TRMT11: variants seen among roughly 807,000 people sequenced by gnomAD.
TRMT11 encodes the protein tRNA (guanine(10)-N(2))-methyltransferase TRMT11.
A neutral mutation model predicts 62.8 loss-of-function variants in TRMT11; 53 were observed. That is an observed-to-expected ratio of 0.84 (90% CI 0.68 to 1.06). The LOEUF (loss-of-function observed/expected upper bound fraction) is 1.06. Ranked by LOEUF, TRMT11 falls within the 50% of genes least tolerant of loss-of-function variation. The pLI, the probability that TRMT11 is intolerant of heterozygous loss-of-function variation, is 0.00. For missense variants in TRMT11, 556 were observed against 553.4 expected (o/e 1.00, Z -0.05); for synonymous variants, 188 against 190.3 (o/e 0.99, Z 0.10).
At chr6:126,213,571 C>T in the TRMT11 span, among the ~76,000 whole-genome samples, 1 of 151,974 alleles carries the variant, frequency 6.6e-6, no homozygotes, top group Non-Finnish European at 1.5e-5. Flanking sequence ...TATAGAAAGG[C>T]TATTGATGTT....
In TRMT11 at chr6:126,124,970, C is replaced by T. The variant is rs1439874953; in HGVS notation, c.*1823+9115C>T. 3.9e-5 allele frequency among the ~76,000 whole-genome samples: 6 copies of T among 152,012 alleles called. No individual in the cohort carries two copies. The East Asian group carries it at 7.8e-4, about 20-fold the overall frequency. ...TTTTGCCCAGACTGGGGAGAAGTCA[C>T]CAAGCTATAGGGGTAGGGAGGGATC... On this transcript the variant is annotated intron_variant and NMD_transcript_variant, in intron 21 of 22. Transcript: ENST00000648977.
At chr6:126,009,281 A>G (rs2128809993) in intron 8 of TRMT11, 1 of 152,108 alleles carries the variant, frequency 6.6e-6, no homozygotes, top group East Asian at 1.9e-4. Context: ...GTAACTTTAA[A>G]GATTCTGCCT....
chr6:126,033,837 A>G (rs1774676615), intron 12 of TRMT11, among the ~76,000 whole-genome samples: 1 of 152,188 alleles, frequency 6.6e-6, no homozygotes. Context: ...TGTACACATG[A>G]AAGTTAACTA....
At chr6:126,185,340 C>CT (rs1688857149) in intron 1 of TRMT11, among the ~76,000 whole-genome samples, 3 of 152,248 alleles carry the variant, frequency 2.0e-5, no homozygotes, top group South Asian at 4.1e-4. Flanking sequence ...TCTTCATGCT[C>CT]TTTTTTCAGG....
the TRMT11 span, among the ~76,000 whole-genome samples, chr6:126,225,218 C>T: frequency 6.6e-6 from 1 of 152,220 alleles, no homozygotes. Context: ...AAGCTGTAGT[C>T]TTGTCCTTAA....
chr6:125,993,151 T>C (rs1038069183), intron 1 of TRMT11, among the ~76,000 whole-genome samples: 1 of 152,210 alleles, frequency 6.6e-6, no homozygotes, highest in Non-Finnish European at 1.5e-5. Context: ...TTTAAGGAGA[T>C]AACTTGTTAG....
intron 3 of TRMT11, among the ~76,000 whole-genome samples, chr6:126,200,494 G>A (rs1382824551): frequency 6.6e-6 from 1 of 152,128 alleles, no homozygotes; most frequent in Non-Finnish European, 1.5e-5. Flanking sequence ...GCTAAGCAAC[G>A]TGTGATAAAA....
At chr6:126,254,477 A>C in the TRMT11 span, among the ~76,000 whole-genome samples, 6 of 152,248 alleles carry the variant, frequency 3.9e-5, no homozygotes, top group African/African-American at 1.4e-4. Context: ...GGAGATTACA[A>C]ATAGAATAAA....
chr6:126,160,345 T>C (rs575467466), intron 21 of TRMT11, among the ~76,000 whole-genome samples: 1 of 152,298 alleles, frequency 6.6e-6, no homozygotes, highest in African/African-American at 2.4e-5. Flanking sequence ...TTTCACACTT[T>C]TTTCCTCACC....
At chr6:126,212,388 A>G in the TRMT11 span, among the ~76,000 whole-genome samples, 1 of 152,154 alleles carries the variant, frequency 6.6e-6, no homozygotes, top group Non-Finnish European at 1.5e-5. Context: ...ATTTCCTCCA[A>G]CAGTGCAGTA....
At chr6:126,062,780 T>C (rs146549697) in intron 17 of TRMT11, among the ~76,000 whole-genome samples, 142 of 152,358 alleles carry the variant, frequency 9.3e-4, no homozygotes, top group African/African-American at 3.1e-3. Context: ...TTATTTTTTA[T>C]TAGTGAATGT....
Position 126,021,127 on chromosome 6 carries a change from A to AGTGTTCCTAACAGGTGG in TRMT11, c.1140-20_1140-19insGTGGGTGTTCCTAACAG, listed in dbSNP as rs1795746497. ...TGATTCTTTGTGGCCCACACATGTG[A>AGTGTTCCTAACAGGTGG]GTGTTCCTAACAGTCAGCTGTTCTT... On this transcript the variant is annotated intron_variant, in intron 11 of 12. Transcript: ENST00000334379. The AGTGTTCCTAACAGGTGG allele has an allele frequency of 9.3e-6, 15 of 1,612,302 alleles. 1 individual carries two copies. The Middle Eastern group carries it at 2.2e-3, about 231-fold the overall frequency.
In TRMT11 at chr6:126,050,068, C is replaced by G. The variant is rs986949452; in HGVS notation, c.*1370-3055C>G. ...ATTGGACTGGGCATGGTGGCTCATG[C>G]CTGTAATCCCAGCACTTTGGGAGGT... On this transcript the variant is annotated intron_variant and NMD_transcript_variant, in intron 16 of 22. Transcript: ENST00000648977. Among the ~76,000 whole-genome samples the G allele has an allele frequency of 2.6e-5, 4 of 152,108 alleles. No individual in the cohort carries two copies. The East Asian group carries it at 7.7e-4, about 29-fold the overall frequency.
At chr6:125,995,816 AT>A in intron 2 of TRMT11, 150 bp from the exon 3 acceptor site, 1 of 618,892 alleles carries the variant, frequency 1.6e-6, no homozygotes, top group Non-Finnish European at 2.9e-6. Context: ...CTTTTTTACT[AT>A]TGGAACGATT....
At position 125,986,641 on chromosome 6, in the gene TRMT11, C is replaced by T; in HGVS notation, c.72+19C>T. On this transcript the variant is annotated intron_variant, in intron 1 of 12. Coordinates refer to ENST00000334379, the MANE Select transcript of TRMT11 (RefSeq NM_001031712.3). ...CCTGCCGGTGAGTCCGTAGCGCCCT[C>T]CGGAACTTCCGACGGAAGAGGACGC... The T allele has an allele frequency of 6.4e-7, 1 of 1,568,714 alleles. No homozygotes were observed. Among genetic ancestry groups the T allele is most frequent in the South Asian group, 1.2e-5 (1 of 85,526 alleles).
chr6:126,153,082 A>G (rs187330179), intron 21 of TRMT11, among the ~76,000 whole-genome samples: 32 of 152,330 alleles, frequency 2.1e-4, no homozygotes, highest in African/African-American at 7.5e-4. Flanking sequence ...CCTCTCAAAG[A>G]TCCACAGCAT....
the TRMT11 span, among the ~76,000 whole-genome samples, chr6:126,263,657 T>G: frequency 2.0e-5 from 3 of 152,204 alleles, no homozygotes; most frequent in Admixed American, 6.5e-5. Context: ...AAACTTTATC[T>G]GAACCCTCTG....
rs974571009 is a variant in TRMT11 at position 126,131,141 on chromosome 6, A to T, written c.*1823+15286A>T. ...GGAAAAACGAAGCAGAATATACTTT[A>T]AAAAAATCTACCACAGAAAGGATAA... On this transcript the variant is annotated intron_variant and NMD_transcript_variant, in intron 21 of 22. Coordinates refer to the TRMT11 transcript ENST00000648977. 2.9e-4 allele frequency among the ~76,000 whole-genome samples: 44 copies of T among 152,092 alleles called. 1 individual carries two copies. Among genetic ancestry groups the T allele is most frequent in the Non-Finnish European group, 5.9e-5 (4 of 67,990 alleles).
intron 17 of TRMT11, among the ~76,000 whole-genome samples, chr6:126,108,430 A>G (rs928442678): frequency 4.6e-5 from 7 of 152,214 alleles, no homozygotes; most frequent in Admixed American, 3.3e-4. Context: ...CATTTGTTCA[A>G]TGCCACCTAT....
Sources: allele counts gnomAD v4.1 joint callset (sites outside exome capture counted in the v4.1 genomes callset), GRCh38; gene constraint gnomAD v4.1.1; transcripts MANE v1.5; gene names NCBI Gene and HGNC (gene_info 2026-07-23, HGNC 2026-07-21).